The following KCNB2 variants were observed in gnomAD, a reference collection of about 807,000 sequenced individuals.
KCNB2 encodes delayed rectifier potassium channel protein.
A neutral mutation model predicts 61.5 loss-of-function variants in KCNB2; 15 were observed. The ratio of observed to expected loss-of-function variants is 0.24; its 90% CI spans 0.16 to 0.38. The LOEUF (loss-of-function observed/expected upper bound fraction) is 0.38, where lower values mean the gene tolerates loss of function less well. Ranked by LOEUF, KCNB2 falls within the 10% of genes least tolerant of loss-of-function variation. The pLI is 1.00. For missense variants in KCNB2, 828 were observed against 1,125.2 expected (o/e 0.74, Z 3.78); for synonymous variants, 457 against 446.0 (o/e 1.02, Z -0.31).
At chr8:72,927,603 A>G (rs1339637933) in intron 2 of KCNB2, among the ~76,000 whole-genome samples, 1 of 152,126 alleles carries the variant, frequency 6.6e-6, no homozygotes, top group Non-Finnish European at 1.5e-5. Context: ...CCTGCATTCA[A>G]CCACACTACA....
intron 2 of KCNB2, among the ~76,000 whole-genome samples, chr8:72,785,874 G>A (rs544778786): frequency 1.3e-5 from 2 of 152,114 alleles, no homozygotes; most frequent in African/African-American, 4.8e-5. Flanking sequence ...GACACATCAT[G>A]GGTTTCATAT....
At chr8:72,676,902 G>A (rs1806663234) in intron 2 of KCNB2, among the ~76,000 whole-genome samples, 1 of 151,998 alleles carries the variant, frequency 6.6e-6, no homozygotes, top group South Asian at 2.1e-4. Context: ...ATCCTATTAA[G>A]GGCTGAATTT....
intron 2 of KCNB2, among the ~76,000 whole-genome samples, chr8:72,627,898 CTG>C (rs1049991640): frequency 4.5e-4 from 69 of 152,164 alleles, no homozygotes; most frequent in African/African-American, 1.7e-3. Context: ...ATGTGTAAAA[CTG>C]TGTTATTTTT....
intron 2 of KCNB2, among the ~76,000 whole-genome samples, chr8:72,782,532 A>C (rs966216986): frequency 6.6e-6 from 1 of 152,146 alleles, no homozygotes; most frequent in Admixed American, 6.6e-5. Context: ...AACAGTGTTC[A>C]AGGAATGCCT....
intron 2 of KCNB2, among the ~76,000 whole-genome samples, chr8:72,720,499 CA>C (rs753463853): frequency 6.6e-5 from 10 of 152,120 alleles, no homozygotes; most frequent in Non-Finnish European, 1.2e-4. Context: ...TATCTCCTTG[CA>C]AAACTTTTCC....
chr8:72,895,019 G>A (rs535561598), intron 2 of KCNB2, among the ~76,000 whole-genome samples: 2 of 152,040 alleles, frequency 1.3e-5, no homozygotes, highest in Non-Finnish European at 2.9e-5. Context: ...TCCCCCTAAG[G>A]CCCTTAGAAA....
intron 2 of KCNB2, among the ~76,000 whole-genome samples, chr8:72,762,175 T>G (rs1297077629): frequency 6.6e-6 from 1 of 152,208 alleles, no homozygotes; most frequent in African/African-American, 2.4e-5. Context: ...AGAAACCCAT[T>G]TCAAGTTACC....
intron 2 of KCNB2, among the ~76,000 whole-genome samples, chr8:72,631,704 A>G (rs1175342470): frequency 1.3e-5 from 2 of 152,188 alleles, no homozygotes; most frequent in Non-Finnish European, 2.9e-5. Flanking sequence ...GCTAATATCA[A>G]TAGATAAAAT....
At chr8:72,657,154 T>C (rs1199400518) in intron 2 of KCNB2, among the ~76,000 whole-genome samples, 1 of 152,134 alleles carries the variant, frequency 6.6e-6, no homozygotes, top group Admixed American at 6.6e-5. Flanking sequence ...CAGATTGAAA[T>C]ACAGTTACTA....
At position 72,581,869 on chromosome 8, in the gene KCNB2, C is replaced by T. The variant is rs189800130; in HGVS notation, c.579+13556C>T. On this transcript the variant is annotated intron_variant, in intron 2 of 2. Coordinates refer to ENST00000523207, the MANE Select transcript of KCNB2 (RefSeq NM_004770.3). ...TTGCTAGGGTTGCTCATTTGGTTATCGGAACTGTGGGCTCTGGGAACTCTT... is the reference window on the plus strand; with the variant it reads ...TTGCTAGGGTTGCTCATTTGGTTATTGGAACTGTGGGCTCTGGGAACTCTT... Among the ~76,000 whole-genome samples the T allele has an allele frequency of 7.9e-4, 121 of 152,292 alleles. 2 individuals carry two copies. In the East Asian group the frequency reaches 0.017, roughly 21 times the overall value.
At chr8:72,907,410 C>T (rs530094782) in intron 2 of KCNB2, among the ~76,000 whole-genome samples, 2 of 151,888 alleles carry the variant, frequency 1.3e-5, no homozygotes, top group East Asian at 3.9e-4. Flanking sequence ...GCACACACAA[C>T]TATTTAAAAG....
At chr8:72,735,283 A>G (rs577682207) in intron 2 of KCNB2, among the ~76,000 whole-genome samples, 2 of 152,286 alleles carry the variant, frequency 1.3e-5, no homozygotes, top group Admixed American at 6.5e-5. Context: ...GTGCTTTGCT[A>G]TAGATAAGTA....
chr8:72,832,118 C>A (rs1809708700), intron 2 of KCNB2, among the ~76,000 whole-genome samples: 1 of 152,162 alleles, frequency 6.6e-6, no homozygotes, highest in East Asian at 1.9e-4. Flanking sequence ...CATATTTTTA[C>A]AGGAATGTAT....
At chr8:72,708,932 C>G (rs1807278367) in intron 2 of KCNB2, among the ~76,000 whole-genome samples, 1 of 152,184 alleles carries the variant, frequency 6.6e-6, no homozygotes, top group Non-Finnish European at 1.5e-5. Flanking sequence ...AAATCAAACT[C>G]TCTCCCAGGA....
At chr8:72,663,484 G>A (rs918538528) in intron 2 of KCNB2, among the ~76,000 whole-genome samples, 1 of 152,146 alleles carries the variant, frequency 6.6e-6, no homozygotes, top group Non-Finnish European at 1.5e-5. Flanking sequence ...GTGCCATGCT[G>A]GGTGTTGGGG....
At chr8:72,718,590 C>T (rs1369700812) in intron 2 of KCNB2, among the ~76,000 whole-genome samples, 2 of 147,320 alleles carry the variant, frequency 1.4e-5, no homozygotes, top group African/African-American at 5.0e-5. Context: ...CGCATGTTCT[C>T]ACTCATAGGT....
intron 2 of KCNB2, among the ~76,000 whole-genome samples, chr8:72,585,171 T>G (rs868276806): frequency 6.6e-6 from 1 of 152,216 alleles, no homozygotes; most frequent in Admixed American, 6.5e-5. Flanking sequence ...GGGGTTTTTT[T>G]TTGTTGTTAT....
intron 2 of KCNB2, among the ~76,000 whole-genome samples, chr8:72,647,144 G>A (rs1806141591): frequency 6.6e-6 from 1 of 152,070 alleles, no homozygotes; most frequent in Admixed American, 6.6e-5. Context: ...AATCTTCCAT[G>A]TCCTAAAATA....
At chr8:72,711,812 A>G (rs1585845372) in intron 2 of KCNB2, among the ~76,000 whole-genome samples, 1 of 152,040 alleles carries the variant, frequency 6.6e-6, no homozygotes, top group Non-Finnish European at 1.5e-5. Flanking sequence ...ACATGATGAA[A>G]CCCCATCTCT....
Sources: gnomAD v4.1 joint callset for allele counts (sites outside exome capture counted in the v4.1 genomes callset) on GRCh38, gnomAD v4.1.1 for gene constraint, MANE v1.5 for transcripts, NCBI Gene and HGNC (gene_info 2026-07-23, HGNC 2026-07-21) for gene names.